Variants in NIPAL2 observed in about 807,000 individuals in gnomAD.
The protein encoded by NIPAL2 is NIPA like domain containing 2, also known as NIPA-like protein 2.
NIPAL2 carries 43 observed loss-of-function variants against 48.9 expected under a neutral mutation model. That is an observed-to-expected ratio of 0.88 (90% CI 0.69 to 1.13). The LOEUF is 1.13. Ranked by LOEUF, NIPAL2 falls within the 50% of genes most tolerant of loss-of-function variation. The pLI is 0.00. For missense variants in NIPAL2, 446 were observed against 461.4 expected, an observed-to-expected ratio of 0.97 and a Z score of 0.31; for synonymous variants, 167 against 174.6, an observed-to-expected ratio of 0.96 and a Z score of 0.34.
chr8:98,192,903 G>T lies in NIPAL2; in HGVS notation c.*75C>A. On this transcript the variant is annotated 3_prime_UTR_variant, in exon 11 of 11. Transcript: ENST00000430223. ...CATGTTAGCTTATAAAAGAGCTGCT[G>T]ACACAAATTGAACATGTGCAATTTT... The T allele has an allele frequency of 1.1e-6, 1 of 877,618 alleles. No individual in the cohort carries two copies. Among genetic ancestry groups the T allele is most frequent in the South Asian group, 1.3e-5 (1 of 74,646 alleles). 54.4% of individuals were successfully genotyped at this position (877,618 alleles called of 1,614,324 possible).
At chr8:98,209,426 T>TG (rs1811197692) in intron 6 of NIPAL2, among the ~76,000 whole-genome samples, 1 of 106,480 alleles carries the variant, frequency 9.4e-6, no homozygotes, top group African/African-American at 3.8e-5. Flanking sequence ...CCGGGCAGCA[T>TG]GGGGATACCC....
chr8:98,237,573 G>A (rs1183154258), intron 3 of NIPAL2, among the ~76,000 whole-genome samples: 1 of 152,066 alleles, frequency 6.6e-6, no homozygotes, highest in Admixed American at 6.5e-5. Context: ...CTGGTCTACA[G>A]GACAAAGGCC....
Position 98,252,469 on chromosome 8 carries a change from C to T in NIPAL2, c.370G>A (p.Val124Ile). The T allele has an allele frequency of 6.2e-7, 1 of 1,604,952 alleles. No homozygotes were observed. Among genetic ancestry groups the T allele is most frequent in the East Asian group, 2.2e-5 (1 of 44,728 alleles). ...AAAATACAGAATGGCTTACCTGTAA[C>T]AGACACACAGCCTAACGGAGCGATC... is the stretch of plus-strand genomic sequence containing the variant. ...TLIAPLGCVS[V>I]TGSAIISVTF... The change falls in exon 3 of 11, where the codon GTT (valine) becomes ATT (isoleucine). Residue 124 changes from valine (V) to isoleucine (I), a missense_variant. Coordinates refer to ENST00000430223, the MANE Select transcript of NIPAL2 (RefSeq NM_001321635.2).
At chr8:98,293,915 G>A in intron 1 of NIPAL2, 88 bp downstream of exon 1, 1 of 1,233,906 alleles carries the variant, frequency 8.1e-7, no homozygotes, top group Non-Finnish European at 1.0e-6. Context: ...AGAGCTGGCA[G>A]GAAAGCGGCC....
chr8:98,270,021 C>G (rs538832428), intron 1 of NIPAL2, among the ~76,000 whole-genome samples: 2 of 151,910 alleles, frequency 1.3e-5, no homozygotes, highest in South Asian at 4.3e-4. Context: ...TGATTTCATT[C>G]TTTTTTTATG....
intron 1 of NIPAL2, among the ~76,000 whole-genome samples, chr8:98,265,060 G>A (rs1019828599): frequency 7.3e-6 from 1 of 137,200 alleles, no homozygotes; most frequent in Admixed American, 7.4e-5. Context: ...AATGGTGCTG[G>A]GAAAACTGGC....
At position 98,256,790 on chromosome 8, in the gene NIPAL2, CT is replaced by C. The variant is rs561177333; in HGVS notation, c.136-2704del. On this transcript the variant is annotated intron_variant, in intron 1 of 10. Transcript: ENST00000430223. ...ATTACCATATGGTCTAGCAATTCCA[CT>C]TTTTGGTACATATCCAAAAGAACTC... is the stretch of plus-strand genomic sequence containing the variant. 3.9e-5 allele frequency among the ~76,000 whole-genome samples: 6 copies of C among 152,284 alleles called. No individual in the cohort carries two copies. The East Asian group carries it at 1.2e-3, about 29-fold the overall frequency.
chr8:98,254,585 C>T (rs1813771663), intron 1 of NIPAL2, among the ~76,000 whole-genome samples: 1 of 152,146 alleles, frequency 6.6e-6, no homozygotes, highest in Non-Finnish European at 1.5e-5. Context: ...TAAGATGTTT[C>T]CAGAAATCCC....
rs1405571677 is a variant in NIPAL2 at position 98,190,181 on chromosome 8, G to T, written c.*2797C>A. On this transcript the variant is annotated 3_prime_UTR_variant, in exon 11 of 11. Coordinates refer to ENST00000430223, the MANE Select transcript of NIPAL2 (RefSeq NM_001321635.2). ...TCCACACTCCCAAAGTATCTCATTT[G>T]TCATGAGCCATGAGTGTCACTTTTT... 1.3e-5 allele frequency: 2 copies of T among 152,256 alleles called. No homozygotes were observed. The highest frequency in any genetic ancestry group is 1.5e-5 in the Non-Finnish European group (1 of 68,070). 9.4% of individuals were successfully genotyped at this position (152,256 alleles called of 1,614,324 possible). A position where few individuals can be genotyped will look rare whatever the true frequency, so the allele number is the denominator to read the frequency against.
intron 6 of NIPAL2, among the ~76,000 whole-genome samples, chr8:98,208,869 A>G (rs1161345267): frequency 2.6e-5 from 4 of 152,090 alleles, no homozygotes; most frequent in Non-Finnish European, 4.4e-5. Context: ...TTTTTTATCA[A>G]TCACACAAGC....
chr8:98,258,330 T>A (rs1814032565), intron 1 of NIPAL2, among the ~76,000 whole-genome samples: 1 of 152,184 alleles, frequency 6.6e-6, no homozygotes, highest in African/African-American at 2.4e-5. Context: ...TCAATGACAA[T>A]GTGCTTAGTG....
At chr8:98,270,138 A>G (rs1287448954) in intron 1 of NIPAL2, among the ~76,000 whole-genome samples, 2 of 152,162 alleles carry the variant, frequency 1.3e-5, no homozygotes, top group Non-Finnish European at 2.9e-5. Context: ...TAGTGCTGCA[A>G]TGAACATGTG....
chr8:98,288,182 C>T (rs1262315350), intron 1 of NIPAL2, among the ~76,000 whole-genome samples: 1 of 148,228 alleles, frequency 6.7e-6, no homozygotes, highest in Admixed American at 6.7e-5. Flanking sequence ...CAATGCTATC[C>T]TTCTCCCCTC....
chr8:98,293,961 C>A (rs1344451705), intron 1 of NIPAL2, 42 bp downstream of exon 1: 2 of 1,383,140 alleles, frequency 1.4e-6, no homozygotes, highest in African/African-American at 1.5e-5. Flanking sequence ...CCGCCCTGGC[C>A]GCGTCCCCAC....
At chr8:98,249,084 T>A (rs1377387891) in intron 3 of NIPAL2, among the ~76,000 whole-genome samples, 1 of 152,164 alleles carries the variant, frequency 6.6e-6, no homozygotes, top group Non-Finnish European at 1.5e-5. Flanking sequence ...GAATCTCAGA[T>A]GTGTTCAGTA....
At chr8:98,218,462 C>T (rs1288986376) in intron 5 of NIPAL2, among the ~76,000 whole-genome samples, 2 of 151,974 alleles carry the variant, frequency 1.3e-5, no homozygotes, top group Non-Finnish European at 2.9e-5. Context: ...TATGACAGAC[C>T]CGAGACAGGC....
intron 3 of NIPAL2, among the ~76,000 whole-genome samples, chr8:98,242,472 C>T (rs1385651031): frequency 7.2e-6 from 1 of 138,326 alleles, no homozygotes; most frequent in Non-Finnish European, 1.6e-5. Context: ...CAGGCAAAAG[C>T]CACTGCACCT....
chr8:98,209,635 A>G (rs1467155609), intron 6 of NIPAL2, among the ~76,000 whole-genome samples: 3 of 149,964 alleles, frequency 2.0e-5, no homozygotes, highest in African/African-American at 7.4e-5. Context: ...AACAAAGACC[A>G]TTTTGTCACT....
At chr8:98,233,571 G>A (rs1273309397) in intron 4 of NIPAL2, among the ~76,000 whole-genome samples, 1 of 152,158 alleles carries the variant, frequency 6.6e-6, no homozygotes, top group Admixed American at 6.5e-5. Context: ...GTAATACTAG[G>A]TTGCCTGTAC....
Sources: gnomAD v4.1 joint callset for allele counts (sites outside exome capture counted in the v4.1 genomes callset) on GRCh38, gnomAD v4.1.1 for gene constraint, MANE v1.5 for transcripts, NCBI Gene and HGNC (gene_info 2026-07-23, HGNC 2026-07-21) for gene names.